The following TSPAN33 variants were observed in gnomAD, a reference collection of about 807,000 sequenced individuals.
TSPAN33 encodes tetraspanin 33.
A neutral mutation model predicts 34.8 loss-of-function variants in TSPAN33; 27 were observed. The ratio of observed to expected loss-of-function variants is 0.78; its 90% CI spans 0.57 to 1.07. TSPAN33 has a LOEUF of 1.07. Ranked by LOEUF, TSPAN33 falls within the 50% of genes least tolerant of loss-of-function variation. The pLI is 0.00. For synonymous variants in TSPAN33, 119 were observed against 124.2 expected, an observed-to-expected ratio of 0.96 and a Z score of 0.28; for missense variants, 272 against 324.9, an observed-to-expected ratio of 0.84 and a Z score of 1.25.
At chr7:129,155,097 G>A (rs1340488451) in intron 1 of TSPAN33, among the ~76,000 whole-genome samples, 1 of 152,158 alleles carries the variant, frequency 6.6e-6, no homozygotes, top group African/African-American at 2.4e-5. Flanking sequence ...ATGAAATCCT[G>A]TCATTCGTGA....
rs187077493 is a variant in TSPAN33, at chr7:129,165,404, G to A, written c.459+835G>A. Among the ~76,000 whole-genome samples the A allele has an allele frequency of 1.4e-3, 206 of 152,260 alleles. 1 individual carries two copies. Among genetic ancestry groups the A allele is most frequent in the African/African-American group, 4.8e-3 (198 of 41,546 alleles). On this transcript the variant is annotated intron_variant, in intron 5 of 7. Coordinates refer to ENST00000486685, the MANE Select transcript of TSPAN33 (RefSeq NM_178562.5). This position sits in a 1 kb window ranked among gnomAD's most constrained non-coding sequence, Gnocchi z 4.5. ...GGTACCTCAAATGAAGGGACTCACG[G>A]TATTAATGCTTTTTTGAGTGGGTTA...
chr7:129,168,202 C>A lies in TSPAN33; in HGVS notation c.*328C>A. On this transcript the variant is annotated 3_prime_UTR_variant, in exon 8 of 8. Transcript: ENST00000486685. ...CTGCTGCTGCCTTTTCACCGAGGCA[C>A]TGCCACCACCAGCTCTAGCAGGGAT... is the stretch of plus-strand genomic sequence containing the variant. The A allele has an allele frequency of 3.6e-6, 1 of 274,908 alleles. No individual in the cohort carries two copies. Among genetic ancestry groups the A allele is most frequent in the Non-Finnish European group, 7.1e-6 (1 of 141,624 alleles). 17.0% of individuals were successfully genotyped at this position (274,908 alleles called of 1,614,324 possible).
chr7:129,145,847 C>T (rs1461625331), intron 1 of TSPAN33, among the ~76,000 whole-genome samples: 2 of 151,816 alleles, frequency 1.3e-5, no homozygotes, highest in East Asian at 1.9e-4. Context: ...CCGACCTAAG[C>T]ATGTATGTTC....
rs917918140 is a variant in TSPAN33, at chr7:129,144,954, C to A, written c.-27C>A. The stretch of plus-strand genomic sequence containing the variant: ...GCCGGCAGCCGCTGGGAAATAGGCC[C>A]CCGGGGGCGGTGGCGGCGGCGGGGC... On this transcript the variant is annotated 5_prime_UTR_variant, in exon 1 of 8. Transcript: ENST00000486685. 4 of 581,662 alleles carry A rather than the reference C, an allele frequency of 6.9e-6. No homozygotes were observed. Among genetic ancestry groups the A allele is most frequent in the African/African-American group, 6.0e-5 (3 of 49,758 alleles). The allele number at this position is 581,662 out of a possible 1,614,324, so 36.0% of individuals were successfully genotyped here.
intron 1 of TSPAN33, among the ~76,000 whole-genome samples, chr7:129,152,240 C>T (rs1810605445): frequency 6.6e-6 from 1 of 152,138 alleles, no homozygotes; most frequent in Non-Finnish European, 1.5e-5. Context: ...GTATAGAGAA[C>T]ATTGAAAACA....
chr7:129,153,059 C>CAAAGA (rs1810618651), intron 1 of TSPAN33, among the ~76,000 whole-genome samples: 1 of 82,490 alleles, frequency 1.2e-5, no homozygotes, highest in African/African-American at 4.8e-5. Context: ...AACTCCGTCT[C>CAAAGA]AAAAAAAAAA....
At position 129,167,277 on chromosome 7, in the gene TSPAN33, C is replaced by T. The variant is rs1197371737; in HGVS notation, c.589-122C>T. ...CATTTGGCAACTTCCAACCCAATAT[C>T]CTCCACATATATTCTCTGACAATTT... On this transcript the variant is annotated intron_variant, in intron 6 of 7. Transcript: ENST00000486685. This position sits in a 1 kb window ranked among gnomAD's most constrained non-coding sequence, Gnocchi z 4.6. 1.0e-5 allele frequency: 13 copies of T among 1,242,002 alleles called. No homozygotes were observed. The highest frequency in any genetic ancestry group is 1.5e-5 in the Non-Finnish European group (13 of 887,480). The allele number at this position is 1,242,002 out of a possible 1,614,324, so 76.9% of individuals were successfully genotyped here.
chr7:129,162,802 C>T, intron 3 of TSPAN33, 31 bp from the exon 4 acceptor site: 1 of 1,611,840 alleles, frequency 6.2e-7, no homozygotes, highest in Non-Finnish European at 8.5e-7. Context: ...ATGAGTGGTC[C>T]TAGACGCCTC....
At chr7:129,157,410 A>G (rs926385759) in intron 1 of TSPAN33, among the ~76,000 whole-genome samples, 2 of 152,158 alleles carry the variant, frequency 1.3e-5, no homozygotes, top group Non-Finnish European at 1.5e-5. Flanking sequence ...AAGCTGTGAA[A>G]TGCAGAATTT....
chr7:129,163,290 G>A (rs1393253076), intron 4 of TSPAN33, among the ~76,000 whole-genome samples: 1 of 150,792 alleles, frequency 6.6e-6, no homozygotes, highest in Non-Finnish European at 1.5e-5. Flanking sequence ...AAGGAAGGGG[G>A]AAGAGAACAA....
chr7:129,160,704 A>T (rs1485015441), intron 1 of TSPAN33, among the ~76,000 whole-genome samples: 3 of 152,214 alleles, frequency 2.0e-5, no homozygotes, highest in Non-Finnish European at 4.4e-5. Flanking sequence ...ACAGTCCTTC[A>T]CATTGGAGTG....
chr7:129,162,431 C>T lies in TSPAN33; in HGVS notation c.198C>T (p.Ile66=). ...CCTGCCTGGCAGTGGACCCTGCCAT[C>T]CTGCTGATCGTGGTGGGTGTCCTCA... is the stretch of plus-strand genomic sequence containing the variant. ...ALACLAVDPA[I]LLIVVGVLMF... Residue 66 remains isoleucine, a synonymous_variant, in exon 3 of 8, where the codon ATC becomes ATT. Coordinates refer to ENST00000486685, the MANE Select transcript of TSPAN33 (RefSeq NM_178562.5). The T allele has an allele frequency of 2.5e-6, 4 of 1,613,926 alleles. No homozygotes were observed. Among genetic ancestry groups the T allele is most frequent in the Non-Finnish European group, 3.4e-6 (4 of 1,180,042 alleles).
intron 1 of TSPAN33, among the ~76,000 whole-genome samples, chr7:129,153,466 TAAAG>T (rs1324240312): frequency 1.3e-5 from 2 of 151,900 alleles, no homozygotes; most frequent in Non-Finnish European, 2.9e-5. Context: ...GGAAGAAAAT[TAAAG>T]AGAAAAGAAT....
rs62480568 is a variant in TSPAN33, at chr7:129,145,677, C to G, written c.102+595C>G. Among the ~76,000 whole-genome samples the G allele has an allele frequency of 4.6e-3, 706 of 151,950 alleles. 4 individuals are homozygous for G. The highest frequency in any genetic ancestry group is 7.5e-3 in the Non-Finnish European group (507 of 67,932). ...CCCTTCTCAGGACCAGACTTCACCC[C>G]TGGAGCCTGGCAATCACCAGTGTCT... On this transcript the variant is annotated intron_variant, in intron 1 of 7. Transcript: ENST00000486685.
intron 1 of TSPAN33, among the ~76,000 whole-genome samples, chr7:129,147,593 A>C (rs1810537891): frequency 6.6e-6 from 1 of 152,120 alleles, no homozygotes; most frequent in Non-Finnish European, 1.5e-5. Context: ...GTAGACTTCC[A>C]CCATCCTAAT....
intron 1 of TSPAN33, 26 bp from the exon 2 acceptor site, chr7:129,161,653 G>T: frequency 6.2e-7 from 1 of 1,613,012 alleles, no homozygotes; most frequent in Non-Finnish European, 8.5e-7. Context: ...GAATCTCAGG[G>T]TCTGGCTCTT....
intron 4 of TSPAN33, among the ~76,000 whole-genome samples, chr7:129,163,274 AGAAG>A (rs1793079923): frequency 1.3e-5 from 2 of 152,120 alleles, no homozygotes; most frequent in East Asian, 1.9e-4. Flanking sequence ...TGAGATAAAC[AGAAG>A]GAAGGAAGGG....
chr7:129,166,574 C>T (rs1203373292), intron 5 of TSPAN33: 14 of 550,976 alleles, frequency 2.5e-5, no homozygotes, highest in Middle Eastern at 4.9e-4. Context: ...ACAAGATATA[C>T]GAAGTAATAG....
At chr7:129,156,471 A>G (rs2150624026) in intron 1 of TSPAN33, among the ~76,000 whole-genome samples, 1 of 152,318 alleles carries the variant, frequency 6.6e-6, no homozygotes, top group African/African-American at 2.4e-5. Context: ...AGGATGGAGT[A>G]CCTACATGAA....
Sources: gnomAD v4.1 joint callset for allele counts (sites outside exome capture counted in the v4.1 genomes callset) on GRCh38, gnomAD v4.1.1 for gene constraint, Gnocchi (gnomAD v3.1) non-coding constraint, MANE v1.5 for transcripts, NCBI Gene and HGNC (gene_info 2026-07-23, HGNC 2026-07-21) for gene names.